The following TBC1D19 variants were observed in gnomAD, a reference collection of about 807,000 sequenced individuals.
TBC1D19 encodes TBC1 domain family, member 19.
TBC1D19 carries 60 observed loss-of-function variants against 89.0 expected under a neutral mutation model. The observed-to-expected ratio is 0.67, with a 90% CI of 0.55 to 0.84. The LOEUF is 0.84. Among genes scored for constraint, TBC1D19 ranks in the 40% least tolerant of loss-of-function variants. The pLI is 0.00. For missense variants in TBC1D19, 500 were observed against 610.8 expected (o/e 0.82, Z 1.91); for synonymous variants, 189 against 199.7 (o/e 0.95, Z 0.45).
At chr4:26,815,622 C>T in the TBC1D19 span, among the ~76,000 whole-genome samples, 1 of 152,198 alleles carries the variant, frequency 6.6e-6, no homozygotes, top group Admixed American at 6.5e-5. Flanking sequence ...AATGCTCTTC[C>T]TCTCCAGAGT....
At chr4:26,604,148 CTTTTTT>C (rs1173641270) in intron 1 of TBC1D19, among the ~76,000 whole-genome samples, 4 of 120,692 alleles carry the variant, frequency 3.3e-5, no homozygotes, top group East Asian at 4.4e-4. Context: ...TTTTCTTTTT[CTTTTTT>C]TTTTTTTTTT....
At chr4:26,644,172 C>G (rs900208911) in intron 7 of TBC1D19, among the ~76,000 whole-genome samples, 22 of 152,210 alleles carry the variant, frequency 1.4e-4, no homozygotes, top group Middle Eastern at 3.4e-3. Context: ...TGAAAATTCT[C>G]AATAAAAGAT....
At chr4:26,795,145 C>T in the TBC1D19 span, among the ~76,000 whole-genome samples, 2 of 152,300 alleles carry the variant, frequency 1.3e-5, no homozygotes, top group African/African-American at 4.8e-5. Context: ...TCACCTTACT[C>T]GTTCCAGCTC....
chr4:26,818,836 C>T, the TBC1D19 span, among the ~76,000 whole-genome samples: 2 of 152,026 alleles, frequency 1.3e-5, no homozygotes, highest in African/African-American at 4.8e-5. Context: ...CCTTAGTTGC[C>T]CAGGTACCCG....
intron 3 of TBC1D19, among the ~76,000 whole-genome samples, chr4:26,618,209 T>C (rs116265832): frequency 6.6e-6 from 1 of 152,204 alleles, no homozygotes; most frequent in Non-Finnish European, 1.5e-5. Flanking sequence ...GCATACAGAC[T>C]TTAAAGAGGC....
At chr4:26,653,015 A>T (rs1033609681) in intron 7 of TBC1D19, among the ~76,000 whole-genome samples, 2 of 152,128 alleles carry the variant, frequency 1.3e-5, no homozygotes, top group Non-Finnish European at 2.9e-5. Context: ...AGTTCCATAA[A>T]TTTCCTTCTA....
intron 3 of TBC1D19, among the ~76,000 whole-genome samples, chr4:26,617,422 C>T (rs186936910): frequency 6.6e-6 from 1 of 152,344 alleles, no homozygotes; most frequent in Admixed American, 6.5e-5. Context: ...GCCTTAACCT[C>T]CAGCTATATA....
the TBC1D19 span, among the ~76,000 whole-genome samples, chr4:26,801,417 A>C: frequency 6.6e-6 from 1 of 152,094 alleles, no homozygotes; most frequent in Non-Finnish European, 1.5e-5. Flanking sequence ...GTAGCCTTGT[A>C]GTATAGTTTG....
intron 11 of TBC1D19, among the ~76,000 whole-genome samples, chr4:26,677,229 C>T (rs2109122620): frequency 6.6e-6 from 1 of 152,200 alleles, no homozygotes; most frequent in East Asian, 1.9e-4. Context: ...CACTACCACT[C>T]TCATTTCAAA....
At chr4:26,638,103 T>C (rs1262305459) in intron 5 of TBC1D19, among the ~76,000 whole-genome samples, 2 of 148,400 alleles carry the variant, frequency 1.3e-5, no homozygotes, top group Non-Finnish European at 2.9e-5. Context: ...ACTCTGGGCA[T>C]TGAGGAGAAA....
chr4:26,612,038 G>A (rs1313841118), intron 1 of TBC1D19, among the ~76,000 whole-genome samples: 1 of 151,892 alleles, frequency 6.6e-6, no homozygotes, highest in Non-Finnish European at 1.5e-5. Context: ...TGACTACTTT[G>A]GGTTCTTTTG....
chr4:26,614,455 TGA>T lies in TBC1D19; in HGVS notation c.218+4_218+5del. The T allele has an allele frequency of 6.3e-7, 1 of 1,585,092 alleles. No homozygotes were observed. The highest frequency in any genetic ancestry group is 8.6e-7 in the Non-Finnish European group (1 of 1,166,632). ...TGCTGTTTATAGTGAACTGAGTGTGTGAGTTTTCCCACCTATTTTACAATAGT... is the reference window on the plus strand; with the variant it reads ...TGCTGTTTATAGTGAACTGAGTGTGTGTTTTCCCACCTATTTTACAATAGT... On this transcript the variant is annotated splice_donor_region_variant and intron_variant, in intron 3 of 20. Coordinates refer to ENST00000264866, the MANE Select transcript of TBC1D19 (RefSeq NM_018317.4).
chr4:26,613,022 A>G (rs570462952), intron 1 of TBC1D19, 147 bp from the exon 2 acceptor site: 260 of 580,412 alleles, frequency 4.5e-4, no homozygotes, highest in African/African-American at 4.5e-3. Context: ...TCTAAGCTCT[A>G]TCTTCAAAGA....
At chr4:26,851,327 A>ATCTGTCTG in the TBC1D19 span, among the ~76,000 whole-genome samples, 38 of 118,902 alleles carry the variant, frequency 3.2e-4, no homozygotes, top group Admixed American at 5.2e-4. Flanking sequence ...CTATCTATCT[A>ATCTGTCTG]TCTATCTATC....
At chr4:26,853,167 T>C in the TBC1D19 span, among the ~76,000 whole-genome samples, 3 of 152,328 alleles carry the variant, frequency 2.0e-5, no homozygotes, top group East Asian at 3.9e-4. Context: ...TTTTCTTTCA[T>C]TATCCACTAT....
intron 8 of TBC1D19, among the ~76,000 whole-genome samples, chr4:26,660,779 T>C (rs368185632): frequency 6.6e-6 from 1 of 152,214 alleles, no homozygotes; most frequent in Non-Finnish European, 1.5e-5. Context: ...GCAGCTACAC[T>C]GCCCCTCTAC....
At chr4:26,592,332 A>G (rs552601956) in intron 1 of TBC1D19, among the ~76,000 whole-genome samples, 2 of 152,276 alleles carry the variant, frequency 1.3e-5, no homozygotes, top group East Asian at 1.9e-4. Flanking sequence ...TTGATGGGAC[A>G]TATCTCAAAA....
chr4:26,805,587 C>T, the TBC1D19 span, among the ~76,000 whole-genome samples: 698 of 152,268 alleles, frequency 4.6e-3, 11 homozygotes, highest in African/African-American at 0.016. Flanking sequence ...CCCTTTCACC[C>T]TTCACATCCA....
chr4:26,795,208 G>A, the TBC1D19 span, among the ~76,000 whole-genome samples: 3 of 152,118 alleles, frequency 2.0e-5, no homozygotes. Flanking sequence ...CCCTTGACCA[G>A]ATTTCCTCGT....
Sources: allele counts gnomAD v4.1 joint callset (sites outside exome capture counted in the v4.1 genomes callset), GRCh38; gene constraint gnomAD v4.1.1; transcripts MANE v1.5; gene names NCBI Gene and HGNC (gene_info 2026-07-23, HGNC 2026-07-21).